The following ADAMTS16 variants were observed in gnomAD, a reference collection of about 807,000 sequenced individuals.
ADAMTS16 encodes the protein A disintegrin and metalloproteinase with thrombospondin motifs 16.
A neutral mutation model predicts 145.8 loss-of-function variants in ADAMTS16; 94 were observed. The ratio of observed to expected loss-of-function variants is 0.64; its 90% CI spans 0.55 to 0.77. The LOEUF (loss-of-function observed/expected upper bound fraction) is 0.77. Among genes scored for constraint, ADAMTS16 ranks in the 30% least tolerant of loss-of-function variants. ADAMTS16 has a pLI of 0.00. For synonymous variants in ADAMTS16, 659 were observed against 604.3 expected, an observed-to-expected ratio of 1.09 and a Z score of -1.33; for missense variants, 1,585 against 1,591.5, an observed-to-expected ratio of 1.00 and a Z score of 0.07.
chr5:5,265,346 G>A (rs754781428), intron 18 of ADAMTS16, among the ~76,000 whole-genome samples: 15 of 152,294 alleles, frequency 9.8e-5, no homozygotes, highest in African/African-American at 2.4e-4. Context: ...ATAGAAGAGC[G>A]GGAAGGGGCT....
intron 3 of ADAMTS16, among the ~76,000 whole-genome samples, chr5:5,176,685 G>T (rs541695517): frequency 6.6e-6 from 1 of 152,252 alleles, no homozygotes; most frequent in African/African-American, 2.4e-5. Flanking sequence ...CACAGTCAAT[G>T]ATAATTTGGA....
At chr5:5,227,489 A>G (rs552658177) in intron 11 of ADAMTS16, among the ~76,000 whole-genome samples, 1 of 150,574 alleles carries the variant, frequency 6.6e-6, no homozygotes, top group African/African-American at 2.4e-5. Flanking sequence ...TTGTGTGCCT[A>G]AAATTAGATC....
chr5:5,178,621 C>T (rs1735257541), intron 3 of ADAMTS16, among the ~76,000 whole-genome samples: 1 of 152,068 alleles, frequency 6.6e-6, no homozygotes, highest in Admixed American at 6.6e-5. Flanking sequence ...TATTTAAATA[C>T]TGAATATTGT....
chr5:5,256,114 T>C (rs942783710), intron 17 of ADAMTS16, among the ~76,000 whole-genome samples: 1 of 152,236 alleles, frequency 6.6e-6, no homozygotes, highest in Non-Finnish European at 1.5e-5. Context: ...TTTTATTTCC[T>C]AATTATATAC....
intron 3 of ADAMTS16, among the ~76,000 whole-genome samples, chr5:5,156,490 T>C (rs987118803): frequency 7.2e-5 from 11 of 152,152 alleles, no homozygotes; most frequent in Non-Finnish European, 4.4e-5. Flanking sequence ...CAGCCTTATA[T>C]AGGGAAAGGA....
In ADAMTS16 at chr5:5,146,301, G is replaced by A. The variant is rs1423929242; in HGVS notation, c.347G>A (p.Ser116Asn). 3.7e-6 allele frequency: 6 copies of A among 1,614,184 alleles called. No individual in the cohort carries two copies. The South Asian group carries it at 6.6e-5, about 18-fold the overall frequency. ...TTCCACATGGATCTGAGGACTTCCA[G>A]CAGCCTAGTGGCTCCTGGCTTTATT... The part of the protein sequence containing the change: ...HDFHMDLRTS[S>N]SLVAPGFIVQ... Residue 116 changes from serine to asparagine, a missense_variant, in exon 3 of 23, where the codon AGC becomes AAC. Coordinates refer to ENST00000274181, the MANE Select transcript of ADAMTS16 (RefSeq NM_139056.4).
chr5:5,190,612 C>T (rs907426175), intron 7 of ADAMTS16, among the ~76,000 whole-genome samples: 10 of 151,990 alleles, frequency 6.6e-5, no homozygotes, highest in Admixed American at 3.3e-4. Flanking sequence ...TGATTCTTTC[C>T]GGATGGTCTG....
chr5:5,271,215 C>G (rs1017622586), intron 18 of ADAMTS16, among the ~76,000 whole-genome samples: 1 of 152,242 alleles, frequency 6.6e-6, no homozygotes, highest in South Asian at 2.1e-4. Context: ...ATGGGATCCC[C>G]TAAGTCCTAA....
In ADAMTS16 at chr5:5,306,598, A is replaced by C; in HGVS notation, c.3281A>C (p.Lys1094Thr). The stretch of plus-strand genomic sequence containing the variant: ...AAGTATCGAGAGCTGGCCTCAAAGA[A>C]GTGCTCACATTTGCCGAAGCCCAGC... ...SGKYRELASKKCSHLPKPSLE... is the reference protein window; with the variant it reads ...SGKYRELASKTCSHLPKPSLE... The change falls in exon 21 of 23, where the codon AAG (lysine) becomes ACG (threonine). Residue 1094 changes from lysine (K) to threonine (T), a missense_variant. Physicochemically the swap from Lys to Thr is moderately conservative, Grantham distance 78. Transcript: ENST00000274181. 1 of 1,614,218 alleles carries C rather than the reference A, an allele frequency of 6.2e-7. No homozygotes were observed. Among genetic ancestry groups the C allele is most frequent in the Admixed American group, 1.7e-5 (1 of 60,030 alleles).
chr5:5,267,064 T>A (rs2399734), intron 18 of ADAMTS16, among the ~76,000 whole-genome samples: 3 of 152,042 alleles, frequency 2.0e-5, no homozygotes, highest in Non-Finnish European at 4.4e-5. Context: ...GAATTGAAAC[T>A]GGAGGAGCTC....
chr5:5,263,700 C>T (rs1434256686), intron 18 of ADAMTS16, among the ~76,000 whole-genome samples: 1 of 152,200 alleles, frequency 6.6e-6, no homozygotes, highest in Non-Finnish European at 1.5e-5. Flanking sequence ...CCCAAATCCC[C>T]AGAGGGGGTG....
At chr5:5,205,886 A>G (rs1449802935) in intron 9 of ADAMTS16, among the ~76,000 whole-genome samples, 1 of 151,614 alleles carries the variant, frequency 6.6e-6, no homozygotes, top group Non-Finnish European at 1.5e-5. Flanking sequence ...ATATTCTCCC[A>G]CTCTGTGTCT....
chr5:5,300,150 G>C (rs1335620915), intron 18 of ADAMTS16, among the ~76,000 whole-genome samples: 1 of 152,182 alleles, frequency 6.6e-6, no homozygotes, highest in Non-Finnish European at 1.5e-5. Flanking sequence ...AAAAGCTCTT[G>C]AGCAGCCAAC....
At chr5:5,270,423 G>A (rs944844370) in intron 18 of ADAMTS16, among the ~76,000 whole-genome samples, 3 of 152,316 alleles carry the variant, frequency 2.0e-5, no homozygotes, top group Non-Finnish European at 2.9e-5. Context: ...CCCACTTCGG[G>A]CATGATCCAG....
chr5:5,197,213 C>T (rs1484801788), intron 8 of ADAMTS16, among the ~76,000 whole-genome samples: 1 of 152,208 alleles, frequency 6.6e-6, no homozygotes, highest in African/African-American at 2.4e-5. Flanking sequence ...GTGATACAGC[C>T]TCTACAAACA....
intron 8 of ADAMTS16, among the ~76,000 whole-genome samples, chr5:5,198,869 G>A (rs1158424028): frequency 6.6e-6 from 1 of 152,048 alleles, no homozygotes; most frequent in African/African-American, 2.4e-5. Flanking sequence ...GGAATTCTTG[G>A]CAGCATAATG....
chr5:5,315,462 C>T (rs866285967), intron 21 of ADAMTS16, among the ~76,000 whole-genome samples: 1 of 144,082 alleles, frequency 6.9e-6, no homozygotes, highest in African/African-American at 2.5e-5. Flanking sequence ...AAAAAAAAAA[C>T]CAATGGCTAG....
intron 18 of ADAMTS16, among the ~76,000 whole-genome samples, chr5:5,282,119 C>T (rs1277478358): frequency 2.4e-5 from 1 of 41,578 alleles, no homozygotes; most frequent in Non-Finnish European, 7.3e-5. Flanking sequence ...ACTGTTTGGT[C>T]CTTGATGCAT....
In ADAMTS16 at chr5:5,315,244, C is replaced by A. The variant is rs186730820; in HGVS notation, c.3412-2890C>A. ...CACAAGAACAGCATGGGGGTAATTGCCCCCGTGATTCAGTTACTGCCCTCC... is the reference window on the plus strand; with the variant it reads ...CACAAGAACAGCATGGGGGTAATTGACCCCGTGATTCAGTTACTGCCCTCC... On this transcript the variant is annotated intron_variant, in intron 21 of 22. Transcript: ENST00000274181. 9.2e-5 allele frequency among the ~76,000 whole-genome samples: 14 copies of A among 152,248 alleles called. No individual in the cohort carries two copies. In the East Asian group the frequency reaches 2.5e-3, roughly 27 times the overall value.
Sources: allele counts gnomAD v4.1 joint callset (sites outside exome capture counted in the v4.1 genomes callset), GRCh38; gene constraint gnomAD v4.1.1; transcripts MANE v1.5; gene names NCBI Gene and HGNC (gene_info 2026-07-23, HGNC 2026-07-21).